The following AP1G1 variants were observed in gnomAD, a reference collection of about 807,000 sequenced individuals.
AP1G1 encodes the protein AP-1 complex subunit gamma-1.
AP1G1 carries 7 observed loss-of-function variants against 108.3 expected under a neutral mutation model. The ratio of observed to expected loss-of-function variants is 0.06; its 90% CI spans 0.04 to 0.12. The LOEUF (loss-of-function observed/expected upper bound fraction) is 0.12, where lower values mean the gene tolerates loss of function less well. Among genes scored for constraint, AP1G1 ranks in the 10% least tolerant of loss-of-function variants. The pLI, the probability that AP1G1 is intolerant of heterozygous loss-of-function variation, is 1.00. For synonymous variants in AP1G1, 379 were observed against 353.5 expected, an observed-to-expected ratio of 1.07 and a Z score of -0.81; for missense variants, 756 against 1,010.7, an observed-to-expected ratio of 0.75 and a Z score of 3.42.
chr16:71,785,457 C>A (rs763756210), intron 2 of AP1G1, among the ~76,000 whole-genome samples: 3 of 151,122 alleles, frequency 2.0e-5, no homozygotes, highest in African/African-American at 4.9e-5. Context: ...GTGCCTGTAG[C>A]CCAGCTACTC....
intron 1 of AP1G1, chr16:71,807,871 T>G: frequency 1.6e-6 from 2 of 1,283,720 alleles, no homozygotes; most frequent in Non-Finnish European, 2.0e-6. Flanking sequence ...GAAAAAAAAA[T>G]ACCACACAAG....
At chr16:71,806,981 G>T (rs928175977) in intron 1 of AP1G1, among the ~76,000 whole-genome samples, 3 of 152,144 alleles carry the variant, frequency 2.0e-5, no homozygotes, top group Non-Finnish European at 2.9e-5. Context: ...CTCAATTCAA[G>T]TTATAAATTT....
chr16:71,773,168 C>A, intron 4 of AP1G1, 53 bp downstream of exon 4: 1 of 1,587,128 alleles, frequency 6.3e-7, no homozygotes, highest in Non-Finnish European at 8.6e-7. Context: ...TCTGCCTTCT[C>A]ATCTCCATAA....
chr16:71,754,860 T>C (rs1428018939), intron 12 of AP1G1, among the ~76,000 whole-genome samples: 4 of 151,564 alleles, frequency 2.6e-5, no homozygotes, highest in South Asian at 2.1e-4. Context: ...TCCCATAAGA[T>C]TGCAATAAGA....
intron 1 of AP1G1, chr16:71,808,460 A>G (rs1255634665): frequency 3.3e-6 from 4 of 1,215,104 alleles, no homozygotes; most frequent in Non-Finnish European, 4.2e-6. Context: ...ATGAGCCCTC[A>G]AAGATCGCAG....
chr16:71,807,125 A>G (rs73584123), intron 1 of AP1G1, among the ~76,000 whole-genome samples: 4 of 152,348 alleles, frequency 2.6e-5, no homozygotes, highest in African/African-American at 9.6e-5. Flanking sequence ...GTATCAGTGA[A>G]TAACTGTGAA....
intron 5 of AP1G1, among the ~76,000 whole-genome samples, chr16:71,770,691 T>C (rs1370728579): frequency 1.3e-5 from 2 of 152,202 alleles, no homozygotes; most frequent in African/African-American, 2.4e-5. Context: ...TTGCCCAGGC[T>C]GGTCCTGAGC....
Position 71,786,467 on chromosome 16 carries a change from AT to A in AP1G1, c.201+2811del, listed in dbSNP as rs111762299. On this transcript the variant is annotated intron_variant, in intron 2 of 22. Transcript: ENST00000299980. ...GTGGCAGAAATCCAACTCAACAAAAATTTTTTTTTTTTGAGAAAGAGTCTCA... is the reference window on the plus strand; with the variant it reads ...GTGGCAGAAATCCAACTCAACAAAAATTTTTTTTTTTGAGAAAGAGTCTCA... Among the ~76,000 whole-genome samples, 38 of 147,122 alleles carry A rather than the reference AT, an allele frequency of 2.6e-4. 1 individual carries two copies. The highest frequency in any genetic ancestry group is 3.7e-4 in the African/African-American group (15 of 40,358).
chr16:71,783,316 C>T (rs2032091071), intron 2 of AP1G1, among the ~76,000 whole-genome samples: 1 of 152,052 alleles, frequency 6.6e-6, no homozygotes, highest in South Asian at 2.1e-4. Context: ...GTATTGACTA[C>T]ATGGAAACAA....
chr16:71,750,694 G>A (rs2030446468), intron 13 of AP1G1, among the ~76,000 whole-genome samples: 1 of 151,928 alleles, frequency 6.6e-6, no homozygotes, highest in Non-Finnish European at 1.5e-5. Flanking sequence ...GGGATTACAG[G>A]CGTGTGCCAC....
chr16:71,779,831 T>A (rs756787553), intron 2 of AP1G1, among the ~76,000 whole-genome samples: 2 of 152,016 alleles, frequency 1.3e-5, no homozygotes, highest in Non-Finnish European at 2.9e-5. Context: ...TCGCACACGG[T>A]CAGATGCACA....
At chr16:71,750,927 C>T (rs190937991) in intron 13 of AP1G1, among the ~76,000 whole-genome samples, 6 of 151,450 alleles carry the variant, frequency 4.0e-5, no homozygotes, top group South Asian at 4.2e-4. Context: ...GAGGCCAAGG[C>T]GGGTGGATCA....
intron 8 of AP1G1, 97 bp downstream of exon 8, chr16:71,764,549 G>A (rs1398623910): frequency 2.4e-5 from 30 of 1,251,210 alleles, no homozygotes; most frequent in Non-Finnish European, 3.1e-5. Context: ...AGCTATGAAT[G>A]AGGAAACACA....
Position 71,771,257 on chromosome 16 carries a change from GA to G in AP1G1, c.469-6del, listed in dbSNP as rs746729938. ...ATGAACAGCACACAGTGCTGCCTATGAAAAAAAAAATAAAAGAACAAAAGGT... is the reference window on the plus strand; with the variant it reads ...ATGAACAGCACACAGTGCTGCCTATGAAAAAAAAATAAAAGAACAAAAGGT... On this transcript the variant is annotated splice_region_variant and splice_polypyrimidine_tract_variant and intron_variant, in intron 4 of 22. Transcript: ENST00000299980. 57 of 1,381,066 alleles carry G rather than the reference GA, an allele frequency of 4.1e-5. No homozygotes were observed. The highest frequency in any genetic ancestry group is 7.4e-5 in the Admixed American group (3 of 40,748). The allele number at this position is 1,381,066 out of a possible 1,614,324, so 85.6% of individuals were successfully genotyped here.
At chr16:71,808,274 T>C (rs1345711108) in intron 1 of AP1G1, 14 of 943,338 alleles carry the variant, frequency 1.5e-5, no homozygotes, top group Non-Finnish European at 1.8e-5. Flanking sequence ...GCGAGGCCGA[T>C]GTCCGGTTCC....
At chr16:71,772,225 G>T (rs553997588) in intron 4 of AP1G1, among the ~76,000 whole-genome samples, 1 of 152,002 alleles carries the variant, frequency 6.6e-6, no homozygotes, top group African/African-American at 2.4e-5. Flanking sequence ...CCGCCTCCTG[G>T]GTTCACATCA....
In AP1G1 at chr16:71,764,637, T is replaced by C. The variant is rs1482980981; in HGVS notation, c.819+9A>G. 1.3e-6 allele frequency: 2 copies of C among 1,566,198 alleles called. No individual in the cohort carries two copies. The highest frequency in any genetic ancestry group is 2.0e-5 in the Admixed American group (1 of 50,690). On this transcript the variant is annotated intron_variant, in intron 8 of 22. Coordinates refer to ENST00000299980, the MANE Select transcript of AP1G1 (RefSeq NM_001128.6). ...ATAAATATATATTTAATATGTTTGG[T>C]CTACTCACCTGTGCTAATATATCAT... is the stretch of plus-strand genomic sequence containing the variant.
At chr16:71,744,283 T>C (rs1465517736) in intron 19 of AP1G1, among the ~76,000 whole-genome samples, 1 of 152,154 alleles carries the variant, frequency 6.6e-6, no homozygotes, top group Non-Finnish European at 1.5e-5. Flanking sequence ...GGGTTTATCA[T>C]ATTGCTGAAC....
At chr16:71,734,285 G>A (rs1597028944) in intron 22 of AP1G1, among the ~76,000 whole-genome samples, 1 of 152,100 alleles carries the variant, frequency 6.6e-6, no homozygotes, top group African/African-American at 2.4e-5. Context: ...AGTAAATGTA[G>A]GTATTTGGTT....
Sources: allele counts gnomAD v4.1 joint callset (sites outside exome capture counted in the v4.1 genomes callset), GRCh38; gene constraint gnomAD v4.1.1; transcripts MANE v1.5; gene names NCBI Gene and HGNC (gene_info 2026-07-23, HGNC 2026-07-21).